SDCBP2: variants seen among roughly 807,000 people sequenced by gnomAD.
SDCBP2 encodes the protein syndecan binding protein 2.
A neutral mutation model predicts 30.7 loss-of-function variants in SDCBP2; 28 were observed. The ratio of observed to expected loss-of-function variants is 0.91; its 90% CI spans 0.68 to 1.25. SDCBP2 has a LOEUF of 1.25. SDCBP2 is among the 50% of genes most tolerant of loss of function. SDCBP2 has a pLI of 0.00. For missense variants in SDCBP2, 399 were observed against 379.0 expected (o/e 1.05, Z -0.44); for synonymous variants, 166 against 157.3 (o/e 1.06, Z -0.41).
chr20:1,313,468 T>C lies in SDCBP2; in HGVS notation c.256A>G (p.Met86Val), dbSNP rs2088717216. 1 of 1,598,350 alleles carries C rather than the reference T, an allele frequency of 6.3e-7. No individual in the cohort carries two copies. The change falls in exon 5 of 9, where the codon ATG becomes GTG. Residue 86 changes from methionine (M) to valine (V), a missense_variant. Transcript: ENST00000360779. This position sits in a 1 kb window ranked among gnomAD's most constrained non-coding sequence, Gnocchi z 5.2. ...CTGTACCCGGTTACCGGTGCCACCA[T>C]CTGGCCGGGCCCGGGGCCCGAGACC... ...TAVSGPGPGQMVAPVTGYSLG... is the reference protein window; with the variant it reads ...TAVSGPGPGQVVAPVTGYSLG...
rs559915034 is a variant in SDCBP2 at position 1,311,222 on chromosome 20, A to C, written c.733-331T>G. ...CAATGCGATTCTCCTCCCCCTTCCA[A>C]GGGCTCCCAGAGACTCACCAAGCCC... On this transcript the variant is annotated intron_variant, in intron 7 of 8. Coordinates refer to ENST00000360779, the MANE Select transcript of SDCBP2 (RefSeq NM_080489.5). 42 of 243,666 alleles carry C rather than the reference A, an allele frequency of 1.7e-4. 1 individual carries two copies. In the East Asian group the frequency reaches 3.5e-3, roughly 20 times the overall value. 15.1% of individuals were successfully genotyped at this position (243,666 alleles called of 1,614,324 possible).
chr20:1,317,514 C>G (rs921271851), intron 4 of SDCBP2: 1 of 152,632 alleles, frequency 6.6e-6, no homozygotes, highest in Non-Finnish European at 1.5e-5. Context: ...ACCTTCTTTG[C>G]TTCATGTCTG....
At position 1,320,368 on chromosome 20, in the gene SDCBP2, T is replaced by C. The variant is rs141371921; in HGVS notation, c.49A>G (p.Ile17Val). Residue 17 changes from isoleucine to valine, a missense_variant, in exon 2 of 9, where the codon ATT (isoleucine) becomes GTT (valine). Coordinates refer to ENST00000360779, the MANE Select transcript of SDCBP2 (RefSeq NM_080489.5). This position sits in a 1 kb window ranked among gnomAD's most constrained non-coding sequence, Gnocchi z 4.7. ...AATGGGGCCTGGCGACTTACCTGAA[T>C]GGCTTGGTCCACTTTTAGGTCCTCT... ...SLEDLKVDQA[I>V]QAQVRASPKM... 404 of 1,613,960 alleles carry C rather than the reference T, an allele frequency of 2.5e-4. 1 individual carries two copies. The African/African-American group carries it at 3.8e-3, about 15-fold the overall frequency.
intron 4 of SDCBP2, 105 bp downstream of exon 4, chr20:1,318,213 A>G: frequency 1.3e-6 from 1 of 795,346 alleles, no homozygotes. Context: ...GGGAGAGGGG[A>G]GGTCCGAGCA....
At chr20:1,318,128 A>G (rs1482913321) in intron 4 of SDCBP2, 190 bp downstream of exon 4, 1 of 626,726 alleles carries the variant, frequency 1.6e-6, no homozygotes, top group Non-Finnish European at 3.0e-6. Context: ...ATCTGAAACC[A>G]TGAAAGCCCA....
chr20:1,327,563 T>G (rs551917307), intron 1 of SDCBP2, among the ~76,000 whole-genome samples: 1 of 152,224 alleles, frequency 6.6e-6, no homozygotes, highest in South Asian at 2.1e-4. Context: ...GGGGAAAAGC[T>G]GTGACTTCCT....
chr20:1,310,521 G>A (rs1419482708), intron 8 of SDCBP2, 26 bp from the exon 9 acceptor site: 15 of 1,611,954 alleles, frequency 9.3e-6, no homozygotes, highest in East Asian at 2.2e-5. Flanking sequence ...ACAGTGACCA[G>A]GTTGGCAGCT....
intron 4 of SDCBP2, among the ~76,000 whole-genome samples, chr20:1,315,070 G>T (rs1249207239): frequency 6.6e-6 from 1 of 152,214 alleles, no homozygotes; most frequent in Non-Finnish European, 1.5e-5. Flanking sequence ...AAAAAGAATA[G>T]CGAGAGGAAT....
chr20:1,327,752 G>C (rs1349866180), intron 1 of SDCBP2, among the ~76,000 whole-genome samples: 1 of 152,228 alleles, frequency 6.6e-6, no homozygotes, highest in African/African-American at 2.4e-5. Context: ...AAAGAGTTAA[G>C]GTGTATATGG....
chr20:1,317,369 A>G (rs1487397822), intron 4 of SDCBP2, among the ~76,000 whole-genome samples: 1 of 152,242 alleles, frequency 6.6e-6, no homozygotes, highest in Admixed American at 6.5e-5. Context: ...AACAATAAAA[A>G]GTTAAAAGAC....
chr20:1,319,706 G>A (rs1344693551), intron 2 of SDCBP2, 47 bp from the exon 3 acceptor site: 2 of 1,463,254 alleles, frequency 1.4e-6, no homozygotes. Context: ...AGGACCCCAG[G>A]AACCCCAGAG....
Position 1,313,788 on chromosome 20 carries a change from C to T in SDCBP2, c.226-290G>A. 1 of 557,170 alleles carries T rather than the reference C, an allele frequency of 1.8e-6. No homozygotes were observed. The highest frequency in any genetic ancestry group is 2.7e-6 in the Non-Finnish European group (1 of 376,306). 34.5% of individuals were successfully genotyped at this position (557,170 alleles called of 1,614,324 possible). A position where few individuals can be genotyped will look rare whatever the true frequency, so the allele number is the denominator to read the frequency against. On this transcript the variant is annotated intron_variant, in intron 4 of 8. Transcript: ENST00000360779. The surrounding 1 kb of genome is among the most constrained non-coding windows in gnomAD (Gnocchi z 5.2). ...AAGGGAAACTGGCATCAGGAAAAGCCTCCTTTAAAACCCACTTAAAATAGA... is the reference window on the plus strand; with the variant it reads ...AAGGGAAACTGGCATCAGGAAAAGCTTCCTTTAAAACCCACTTAAAATAGA...
chr20:1,310,202 CA>C lies in SDCBP2; in HGVS notation c.*238del, dbSNP rs1287672020. On this transcript the variant is annotated 3_prime_UTR_variant, in exon 9 of 9. Coordinates refer to ENST00000360779, the MANE Select transcript of SDCBP2 (RefSeq NM_080489.5). Reference sequence around the variant, plus strand: ...CTGCCTCCGTGTCCAGCATTTAAATCAGCACAAGAGAATCGGCTGCCTGTGG... The same window carrying C: ...CTGCCTCCGTGTCCAGCATTTAAATCGCACAAGAGAATCGGCTGCCTGTGG... 2 of 439,894 alleles carry C rather than the reference CA, an allele frequency of 4.5e-6. No homozygotes were observed. Among genetic ancestry groups the C allele is most frequent in the African/African-American group, 4.0e-5 (2 of 49,666 alleles). 27.2% of individuals were successfully genotyped at this position (439,894 alleles called of 1,614,324 possible). A position where few individuals can be genotyped will look rare whatever the true frequency, so the allele number is the denominator to read the frequency against.
chr20:1,311,567 T>C (rs6104888), intron 7 of SDCBP2, among the ~76,000 whole-genome samples: 111,959 of 151,928 alleles, frequency 0.74, 42,044 homozygotes, highest in East Asian at 0.92. Context: ...GTATGTTATC[T>C]GGTTATGTGT....
intron 1 of SDCBP2, chr20:1,322,265 G>T (rs1403973240): frequency 6.6e-6 from 1 of 152,170 alleles, no homozygotes; most frequent in African/African-American, 2.4e-5. Context: ...TTTGATTTGT[G>T]CTCCCCCTAG....
intron 1 of SDCBP2, chr20:1,323,266 C>T (rs1372172733): frequency 6.6e-6 from 1 of 152,228 alleles, no homozygotes; most frequent in Non-Finnish European, 1.5e-5. Context: ...GCCTTCCCCA[C>T]TGTGTACACA....
intron 4 of SDCBP2, chr20:1,317,466 G>A (rs2088794322): frequency 6.6e-6 from 1 of 152,086 alleles, no homozygotes; most frequent in Non-Finnish European, 1.5e-5. Flanking sequence ...TTAATTATAG[G>A]AACAAAGAGT....
At position 1,310,348 on chromosome 20, in the gene SDCBP2, A is replaced by G; in HGVS notation, c.*93T>C. The stretch of plus-strand genomic sequence containing the variant: ...CCTCATGGCAGCCCCCACCTTAAGC[A>G]GCAGGCCGGCTGCAACCCATCATCC... On this transcript the variant is annotated 3_prime_UTR_variant, in exon 9 of 9. Transcript: ENST00000360779. 1.5e-6 allele frequency: 2 copies of G among 1,339,706 alleles called. No homozygotes were observed. Among genetic ancestry groups the G allele is most frequent in the Non-Finnish European group, 2.1e-6 (2 of 944,068 alleles). The allele number at this position is 1,339,706 out of a possible 1,614,324, so 83.0% of individuals were successfully genotyped here.
intron 8 of SDCBP2, 21 bp from the exon 9 acceptor site, chr20:1,310,516 G>C (rs1180768890): frequency 6.2e-7 from 1 of 1,611,016 alleles, no homozygotes; most frequent in African/African-American, 1.3e-5. Flanking sequence ...CAACAACAGT[G>C]ACCAGGTTGG....
Sources: allele counts gnomAD v4.1 joint callset (sites outside exome capture counted in the v4.1 genomes callset), GRCh38; gene constraint gnomAD v4.1.1; non-coding constraint Gnocchi (gnomAD v3.1); transcripts MANE v1.5; gene names NCBI Gene and HGNC (gene_info 2026-07-23, HGNC 2026-07-21).